The following DEAF1 variants were observed in gnomAD, a reference collection of about 807,000 sequenced individuals.
DEAF1 encodes deformed epidermal autoregulatory factor 1 homolog.
A neutral mutation model predicts 58.9 loss-of-function variants in DEAF1; 53 were observed. The observed-to-expected ratio is 0.90, with a 90% CI of 0.72 to 1.13. The LOEUF is 1.13. DEAF1 is among the 50% of genes most tolerant of loss of function. The pLI, the probability that DEAF1 is intolerant of heterozygous loss-of-function variation, is 0.00. For missense variants in DEAF1, 685 were observed against 791.4 expected, an observed-to-expected ratio of 0.87 and a Z score of 1.61; for synonymous variants, 385 against 340.4, an observed-to-expected ratio of 1.13 and a Z score of -1.44.
chr11:688,566 C>A lies in DEAF1; in HGVS notation c.388-106G>T. 1 of 1,399,824 alleles carries A rather than the reference C, an allele frequency of 7.1e-7. No individual in the cohort carries two copies. Among genetic ancestry groups the A allele is most frequent in the Non-Finnish European group, 1.0e-6 (1 of 998,138 alleles). The allele number at this position is 1,399,824 out of a possible 1,614,324, so 86.7% of individuals were successfully genotyped here. On this transcript the variant is annotated intron_variant, in intron 2 of 11. Coordinates refer to ENST00000382409, the MANE Select transcript of DEAF1 (RefSeq NM_021008.4). The surrounding 1 kb of genome is among the most constrained non-coding windows in gnomAD (Gnocchi z 4.3). ...AGCAGGGCTCTCTGGCTGTTCTCAC[C>A]AAGAAGGGACGCTCACCTAGGCACC...
In DEAF1 at chr11:674,799, A is replaced by T. The variant is rs1395399099; in HGVS notation, c.1256-16T>A. Reference sequence around the variant, plus strand: ...GATGTCAACACTAGAGCATTTGGAAAGCAAAACAAACCAAGAAATTAATAC... The same window carrying T: ...GATGTCAACACTAGAGCATTTGGAATGCAAAACAAACCAAGAAATTAATAC... On this transcript the variant is annotated splice_polypyrimidine_tract_variant and intron_variant, in intron 9 of 11. Coordinates refer to ENST00000382409, the MANE Select transcript of DEAF1 (RefSeq NM_021008.4). 1 of 1,608,616 alleles carries T rather than the reference A, an allele frequency of 6.2e-7. No homozygotes were observed. The highest frequency in any genetic ancestry group is 2.2e-5 in the East Asian group (1 of 44,886).
At chr11:658,263 C>T (rs939207035) in intron 10 of DEAF1, among the ~76,000 whole-genome samples, 2 of 152,156 alleles carry the variant, frequency 1.3e-5, no homozygotes, top group Non-Finnish European at 2.9e-5. Context: ...CCTGTCTCTA[C>T]TAAAAATACA....
chr11:682,032 C>T (rs981968965), intron 6 of DEAF1, among the ~76,000 whole-genome samples: 2 of 152,216 alleles, frequency 1.3e-5, no homozygotes, highest in Admixed American at 6.5e-5. Context: ...TTGCTGCTGT[C>T]AGCTTGTTTA....
chr11:673,443 G>A lies in DEAF1; in HGVS notation c.1503+1093C>T, dbSNP rs534931541. ...CTTGGGAGGCTGAGGCACAAGAATCGCTGGAGCCCGGGAGGCAAAGGTTGC... is the reference window on the plus strand; with the variant it reads ...CTTGGGAGGCTGAGGCACAAGAATCACTGGAGCCCGGGAGGCAAAGGTTGC... On this transcript the variant is annotated intron_variant, in intron 10 of 11. Coordinates refer to ENST00000382409, the MANE Select transcript of DEAF1 (RefSeq NM_021008.4). Among the ~76,000 whole-genome samples, 4 of 152,200 alleles carry A rather than the reference G, an allele frequency of 2.6e-5. No homozygotes were observed. In the South Asian group the frequency reaches 6.2e-4, roughly 24 times the overall value.
chr11:680,514 G>T (rs558461209), intron 7 of DEAF1, among the ~76,000 whole-genome samples: 1 of 152,260 alleles, frequency 6.6e-6, no homozygotes, highest in East Asian at 1.9e-4. Context: ...GGAGGCTGAG[G>T]TGAGAGCAGT....
At chr11:695,509 G>T (rs568522127), upstream of DEAF1, 220 of 968,036 alleles carry the variant, frequency 2.3e-4, no homozygotes, top group African/African-American at 3.5e-3. Context: ...CTGCCTCTCA[G>T]AGAGAGCTTA....
At chr11:680,412 T>C (rs1258679112) in intron 7 of DEAF1, among the ~76,000 whole-genome samples, 6 of 152,188 alleles carry the variant, frequency 3.9e-5, no homozygotes. Context: ...TTTTCTCCTA[T>C]TGCTACCTCT....
At chr11:663,358 C>G (rs7925259) in intron 10 of DEAF1, among the ~76,000 whole-genome samples, 36,930 of 152,174 alleles carry the variant, frequency 0.24, 7,388 homozygotes, top group African/African-American at 0.56. Context: ...TGAAGCAGGA[C>G]AATCGCTTGC....
intron 11 of DEAF1, 22 bp downstream of exon 11, chr11:653,940 G>A: frequency 1.9e-6 from 3 of 1,610,896 alleles, no homozygotes; most frequent in Non-Finnish European, 2.5e-6. Flanking sequence ...GGGGCACTGA[G>A]CCTGGTGTAG....
intron 10 of DEAF1, among the ~76,000 whole-genome samples, chr11:655,039 A>G (rs1338612430): frequency 1.3e-5 from 2 of 151,296 alleles, no homozygotes; most frequent in Non-Finnish European, 2.9e-5. Flanking sequence ...ACAGAGCAAG[A>G]CTGTCTCCAA....
At chr11:700,293 G>A in intron 1 of DEAF1, 1 of 1,454,468 alleles carries the variant, frequency 6.9e-7, no homozygotes, top group Non-Finnish European at 9.6e-7. Flanking sequence ...TTGGGAGGCT[G>A]AGGTGGGCGG....
chr11:705,619 G>A (rs1397814442), intron 1 of DEAF1, among the ~76,000 whole-genome samples: 8 of 152,292 alleles, frequency 5.3e-5, no homozygotes, highest in African/African-American at 1.2e-4. Flanking sequence ...CCAGGCCTGG[G>A]GTGGGCATGG....
chr11:663,464 C>T (rs1771244393), intron 10 of DEAF1, among the ~76,000 whole-genome samples: 1 of 152,188 alleles, frequency 6.6e-6, no homozygotes, highest in African/African-American at 2.4e-5. Context: ...AAAAGACTGC[C>T]TCTGGAGTCA....
At chr11:658,908 T>TGCTG (rs1859190377) in intron 10 of DEAF1, among the ~76,000 whole-genome samples, 1 of 152,262 alleles carries the variant, frequency 6.6e-6, no homozygotes, top group Admixed American at 6.5e-5. Context: ...GAATCACATA[T>TGCTG]GCTGGTTTCA....
chr11:680,110 T>C (rs1050090957), intron 7 of DEAF1: 4 of 457,110 alleles, frequency 8.8e-6, no homozygotes, highest in South Asian at 2.4e-5. Context: ...AATAAAACTT[T>C]CAGTGATTTT....
intron 10 of DEAF1, among the ~76,000 whole-genome samples, chr11:670,132 G>GAAGGGGACAT (rs1859746449): frequency 1.3e-5 from 2 of 151,712 alleles, no homozygotes; most frequent in Non-Finnish European, 2.9e-5. Flanking sequence ...GGGACCGATG[G>GAAGGGGACAT]AAGGGGACAT....
chr11:700,363 C>G, intron 1 of DEAF1: 2 of 893,658 alleles, frequency 2.2e-6, no homozygotes, highest in Admixed American at 4.5e-5. Context: ...CCCATCTCTA[C>G]TAAAAACACA....
chr11:691,899 C>T (rs1431048293), intron 1 of DEAF1, among the ~76,000 whole-genome samples: 1 of 152,142 alleles, frequency 6.6e-6, no homozygotes, highest in East Asian at 1.9e-4. Flanking sequence ...ATCAAACCAC[C>T]ACGGGGCTTC....
At chr11:672,055 G>GGA (rs778647652) in intron 10 of DEAF1, among the ~76,000 whole-genome samples, 3 of 152,230 alleles carry the variant, frequency 2.0e-5, no homozygotes, top group South Asian at 4.1e-4. Context: ...GCTGGTGTTT[G>GGA]GAGCTGTGGC....
Sources: allele counts gnomAD v4.1 joint callset (sites outside exome capture counted in the v4.1 genomes callset), GRCh38; gene constraint gnomAD v4.1.1; non-coding constraint Gnocchi (gnomAD v3.1); transcripts MANE v1.5; gene names NCBI Gene and HGNC (gene_info 2026-07-23, HGNC 2026-07-21).